Variants in PCDH11X observed in about 807,000 individuals in gnomAD.
PCDH11X encodes the protein protocadherin-11 X-linked.
PCDH11X carries 18 observed loss-of-function variants against 53.3 expected under a neutral mutation model. The ratio of observed to expected loss-of-function variants is 0.34; its 90% CI spans 0.23 to 0.50. The LOEUF is 0.50. PCDH11X is among the 20% of genes least tolerant of loss of function. PCDH11X has a pLI of 0.98. For missense variants in PCDH11X, 570 were observed against 1,032.4 expected (o/e 0.55, Z 6.14); for synonymous variants, 279 against 393.3 (o/e 0.71, Z 3.44).
chrX:91,857,872 G>A (rs769095038), intron 5 of PCDH11X, among the ~76,000 whole-genome samples: 2 of 111,417 alleles, frequency 1.8e-5, no homozygotes, highest in African/African-American at 3.3e-5. Flanking sequence ...GTTGTCAATG[G>A]ATCTACCATT....
At position 92,024,908 on chromosome X, in the gene PCDH11X, G is replaced by A. The variant is rs1415196437; in HGVS notation, c.3033+145635G>A. Among the ~76,000 whole-genome samples the A allele has an allele frequency of 4.6e-5, 5 of 109,269 alleles. No individual in the cohort carries two copies. In the East Asian group the frequency reaches 1.4e-3, roughly 31 times the overall value. The allele number at this position is 109,269 out of a possible 115,157, so 94.9% of individuals were successfully genotyped here. A position where few individuals can be genotyped will look rare whatever the true frequency, so the allele number is the denominator to read the frequency against. ...ATCTTTGATGAACCTGACAAAAATA[G>A]GAATTGGGAAAAGGATTCCCTATTT... is the stretch of plus-strand genomic sequence containing the variant. On this transcript the variant is annotated intron_variant, in intron 6 of 10. Coordinates refer to ENST00000682573, the MANE Select transcript of PCDH11X (RefSeq NM_032968.5).
chrX:92,114,750 A>T (rs2064601381), intron 6 of PCDH11X, among the ~76,000 whole-genome samples: 1 of 111,471 alleles, frequency 9.0e-6, no homozygotes, highest in Admixed American at 9.6e-5. Context: ...ATAAACTTGC[A>T]GCTTCCATCT....
intron 8 of PCDH11X, among the ~76,000 whole-genome samples, chrX:92,277,040 G>C (rs2068111934): frequency 9.0e-6 from 1 of 111,134 alleles, no homozygotes; most frequent in Non-Finnish European, 1.9e-5. Context: ...GTGAGGAGGG[G>C]AGGCGATAAA....
intron 6 of PCDH11X, among the ~76,000 whole-genome samples, chrX:92,068,183 C>A (rs1473204021): frequency 1.9e-5 from 2 of 107,397 alleles, no homozygotes; most frequent in Admixed American, 2.0e-4. Context: ...AATTTCTTTT[C>A]TTCTATAATA....
At chrX:91,936,253 G>C (rs763809070) in intron 6 of PCDH11X, among the ~76,000 whole-genome samples, 13 of 109,533 alleles carry the variant, frequency 1.2e-4, no homozygotes, top group Non-Finnish European at 2.3e-4. Flanking sequence ...TCAGCAAAAT[G>C]GGGTCTATTG....
chrX:92,278,835 G>A (rs781082158), intron 8 of PCDH11X, among the ~76,000 whole-genome samples: 1 of 86,741 alleles, frequency 1.2e-5, no homozygotes, highest in Admixed American at 1.3e-4. Context: ...TTTTGAGATG[G>A]AGTTTCACTG....
chrX:92,136,290 T>C (rs2476035), intron 6 of PCDH11X, among the ~76,000 whole-genome samples: 7 of 110,519 alleles, frequency 6.3e-5, no homozygotes, highest in African/African-American at 2.3e-4. Context: ...ACTAGATGTA[T>C]GTGTGACGTA....
chrX:92,131,906 A>G (rs777262992), intron 6 of PCDH11X, among the ~76,000 whole-genome samples: 12 of 108,348 alleles, frequency 1.1e-4, no homozygotes, highest in African/African-American at 4.0e-4. Context: ...GGAAAGGCCT[A>G]GGCAAAACTC....
intron 6 of PCDH11X, among the ~76,000 whole-genome samples, chrX:92,090,310 G>T (rs1343624399): frequency 1.8e-5 from 2 of 110,645 alleles, no homozygotes; most frequent in Non-Finnish European, 3.8e-5. Flanking sequence ...ATTTTTAAGA[G>T]TTCTGCATAA....
intron 6 of PCDH11X, among the ~76,000 whole-genome samples, chrX:92,099,034 T>A (rs1488490800): frequency 8.9e-6 from 1 of 112,188 alleles, no homozygotes; most frequent in Admixed American, 9.5e-5. Flanking sequence ...ACTGGCCACA[T>A]CAAGCATGTT....
At chrX:92,330,893 G>A (rs1276312327) in intron 8 of PCDH11X, among the ~76,000 whole-genome samples, 4 of 96,209 alleles carry the variant, frequency 4.2e-5, no homozygotes, top group African/African-American at 1.5e-4. Context: ...AAAGCCAATC[G>A]ATGCTTTCTT....
At chrX:92,265,328 G>A (rs930974978) in intron 8 of PCDH11X, among the ~76,000 whole-genome samples, 13 of 110,858 alleles carry the variant, frequency 1.2e-4, no homozygotes, top group African/African-American at 3.6e-4. Context: ...GCTAATGATT[G>A]GGACACATTC....
At chrX:92,254,401 C>G (rs1416364587) in intron 7 of PCDH11X, among the ~76,000 whole-genome samples, 3 of 110,654 alleles carry the variant, frequency 2.7e-5, no homozygotes, top group Non-Finnish European at 3.8e-5. Context: ...TCCAATTTGC[C>G]AGTCTGTGTC....
At chrX:91,839,330 A>G (rs1183074536) in intron 5 of PCDH11X, among the ~76,000 whole-genome samples, 1 of 108,896 alleles carries the variant, frequency 9.2e-6, no homozygotes, top group Non-Finnish European at 1.9e-5. Context: ...AGAAAGAAAA[A>G]AGACTGGGCA....
At chrX:92,507,026 T>TTTGTATGTCTCTGTG (rs369504659) in intron 10 of PCDH11X, among the ~76,000 whole-genome samples, 2 of 110,803 alleles carry the variant, frequency 1.8e-5, no homozygotes, top group Non-Finnish European at 3.8e-5. Context: ...TCTCTGAGGG[T>TTTGTATGTCTCTGTG]TTGTATGTCT....
intron 6 of PCDH11X, among the ~76,000 whole-genome samples, chrX:92,047,988 T>C (rs1381037120): frequency 9.0e-6 from 1 of 111,086 alleles, no homozygotes; most frequent in Non-Finnish European, 1.9e-5. Context: ...GTCTGGGAGG[T>C]AAAATAATAC....
intron 6 of PCDH11X, among the ~76,000 whole-genome samples, chrX:92,010,713 G>C (rs2062675439): frequency 9.1e-6 from 1 of 109,708 alleles, no homozygotes; most frequent in Non-Finnish European, 1.9e-5. Flanking sequence ...TAGTGAAAAA[G>C]CCACAATCAC....
chrX:91,824,405 C>G (rs1936824486), intron 4 of PCDH11X, among the ~76,000 whole-genome samples: 1 of 110,540 alleles, frequency 9.0e-6, no homozygotes, highest in Non-Finnish European at 1.9e-5. Context: ...AACTTCCCTT[C>G]TCACTTCATT....
intron 6 of PCDH11X, among the ~76,000 whole-genome samples, chrX:91,898,950 GAACCTCA>G (rs1399134985): frequency 9.2e-6 from 1 of 109,055 alleles, no homozygotes; most frequent in Non-Finnish European, 1.9e-5. Flanking sequence ...GGATTGTTCA[GAACCTCA>G]ATGAGATGAC....
Sources: gnomAD v4.1 joint callset for allele counts (sites outside exome capture counted in the v4.1 genomes callset) on GRCh38, gnomAD v4.1.1 for gene constraint, MANE v1.5 for transcripts, NCBI Gene and HGNC (gene_info 2026-07-23, HGNC 2026-07-21) for gene names.